Variants in PXDNL observed in about 807,000 individuals in gnomAD.
PXDNL encodes the protein probable oxidoreductase PXDNL.
PXDNL carries 145 observed loss-of-function variants against 150.8 expected under a neutral mutation model. The ratio of observed to expected loss-of-function variants is 0.96; its 90% confidence interval spans 0.84 to 1.10. The LOEUF (loss-of-function observed/expected upper bound fraction) is 1.10, where lower values mean the gene tolerates loss of function less well. Among genes scored for constraint, PXDNL ranks in the 50% least tolerant of loss-of-function variants. The probability of loss-of-function intolerance (pLI) is 0.00; values close to 1 mark genes in which losing one functional copy is unlikely to be tolerated. For missense variants in PXDNL, 2,087 were observed against 1,873.9 expected, an observed-to-expected ratio of 1.11 and a Z score of -2.10; for synonymous variants, 757 against 725.7, an observed-to-expected ratio of 1.04 and a Z score of -0.69.
intron 1 of PXDNL, among the ~76,000 whole-genome samples, chr8:51,758,913 A>C (rs916642537): frequency 1.7e-4 from 26 of 152,336 alleles, no homozygotes; most frequent in East Asian, 1.5e-3. Context: ...GCAACAAAGC[A>C]GTGACTCTCT....
At chr8:51,458,564 T>C (rs1006234516) in intron 8 of PXDNL, among the ~76,000 whole-genome samples, 18 of 152,226 alleles carry the variant, frequency 1.2e-4, no homozygotes, top group Non-Finnish European at 2.2e-4. Context: ...TCAATACATA[T>C]TTTCTAAACA....
intron 3 of PXDNL, among the ~76,000 whole-genome samples, chr8:51,580,247 C>T (rs1216958631): frequency 6.6e-6 from 1 of 151,946 alleles, no homozygotes; most frequent in Non-Finnish European, 1.5e-5. Context: ...GTATCAATGC[C>T]AGTATTCTGG....
At chr8:51,538,075 T>A (rs767959827) in intron 4 of PXDNL, among the ~76,000 whole-genome samples, 2 of 152,206 alleles carry the variant, frequency 1.3e-5, no homozygotes, top group Non-Finnish European at 1.5e-5. Context: ...AGAGAGGTAC[T>A]TACAAATAGA....
intron 19 of PXDNL, among the ~76,000 whole-genome samples, chr8:51,357,564 T>A (rs955283133): frequency 6.6e-6 from 1 of 152,220 alleles, no homozygotes. Flanking sequence ...TGCAACTTGC[T>A]CATATTGACA....
intron 1 of PXDNL, among the ~76,000 whole-genome samples, chr8:51,789,866 CTCAA>C (rs1247820537): frequency 6.6e-6 from 1 of 152,080 alleles, no homozygotes; most frequent in Non-Finnish European, 1.5e-5. Flanking sequence ...TATCTTTAGA[CTCAA>C]TCATTTTTAA....
chr8:51,798,411 G>A (rs1428491398), intron 1 of PXDNL, among the ~76,000 whole-genome samples: 4 of 152,044 alleles, frequency 2.6e-5, no homozygotes, highest in Non-Finnish European at 5.9e-5. Flanking sequence ...TACAGAATGG[G>A]AAAAAATTTT....
intron 4 of PXDNL, among the ~76,000 whole-genome samples, chr8:51,539,019 C>T (rs1337181733): frequency 6.6e-6 from 1 of 152,054 alleles, no homozygotes; most frequent in African/African-American, 2.4e-5. Context: ...GAGTTGAAAT[C>T]GTGTAAGCAG....
intron 8 of PXDNL, among the ~76,000 whole-genome samples, chr8:51,470,168 A>G (rs1810292168): frequency 1.3e-5 from 2 of 152,232 alleles, no homozygotes; most frequent in South Asian, 4.1e-4. Context: ...CTGTTTATCA[A>G]GTGCACTTGA....
At chr8:51,420,985 G>A (rs1317831696) in intron 14 of PXDNL, among the ~76,000 whole-genome samples, 1 of 152,138 alleles carries the variant, frequency 6.6e-6, no homozygotes, top group Admixed American at 6.6e-5. Context: ...ACTGCACCCA[G>A]CCTGAATGTT....
chr8:51,565,839 A>T (rs867853150), intron 3 of PXDNL, among the ~76,000 whole-genome samples: 1 of 151,090 alleles, frequency 6.6e-6, no homozygotes, highest in Non-Finnish European at 1.5e-5. Context: ...ACACCAAAAT[A>T]AAAAAAAATC....
At chr8:51,373,196 A>G (rs1243764909) in intron 18 of PXDNL, among the ~76,000 whole-genome samples, 1 of 152,184 alleles carries the variant, frequency 6.6e-6, no homozygotes, top group Non-Finnish European at 1.5e-5. Flanking sequence ...GTGTCCTTAT[A>G]AGAAAAGGAA....
chr8:51,745,861 G>T (rs529394621), intron 1 of PXDNL, among the ~76,000 whole-genome samples: 1 of 151,250 alleles, frequency 6.6e-6, no homozygotes, highest in Non-Finnish European at 1.5e-5. Context: ...CCTCTGCCTC[G>T]CAGGTTCAGG....
intron 2 of PXDNL, among the ~76,000 whole-genome samples, chr8:51,595,698 T>C (rs1450175640): frequency 2.0e-5 from 3 of 152,164 alleles, no homozygotes; most frequent in Non-Finnish European, 2.9e-5. Context: ...CTGGAGTGAT[T>C]TGCATAGTCA....
At chr8:51,407,422 ACTT>A (rs1294381344) in intron 17 of PXDNL, among the ~76,000 whole-genome samples, 3 of 152,192 alleles carry the variant, frequency 2.0e-5, no homozygotes, top group Admixed American at 6.5e-5. Context: ...TACAGACAAA[ACTT>A]CTTTGTGAAA....
At chr8:51,668,174 C>CTTTTTTTTTTTT (rs1447281482) in intron 1 of PXDNL, among the ~76,000 whole-genome samples, 4 of 21,736 alleles carry the variant, frequency 1.8e-4, no homozygotes, top group Non-Finnish European at 2.9e-4. Context: ...TTCTCGCTCT[C>CTTTTTTTTTTTT]TCTTTTTTTT....
At chr8:51,719,004 C>T (rs370034166) in intron 1 of PXDNL, among the ~76,000 whole-genome samples, 106 of 151,794 alleles carry the variant, frequency 7.0e-4, no homozygotes, top group Non-Finnish European at 1.3e-3. Context: ...GGGCAGCCCC[C>T]GATCGGCCAG....
intron 3 of PXDNL, among the ~76,000 whole-genome samples, chr8:51,585,944 T>C (rs2130640090): frequency 6.6e-6 from 1 of 152,204 alleles, no homozygotes; most frequent in East Asian, 1.9e-4. Context: ...TAACCCAGGA[T>C]GTGCTTGATT....
chr8:51,396,378 G>T (rs1010795233), intron 17 of PXDNL, among the ~76,000 whole-genome samples: 1 of 152,252 alleles, frequency 6.6e-6, no homozygotes, highest in Non-Finnish European at 1.5e-5. Flanking sequence ...CCCGACCAGA[G>T]TGCAGAGCGC....
intron 4 of PXDNL, among the ~76,000 whole-genome samples, chr8:51,529,072 T>C (rs1029144197): frequency 7.2e-5 from 11 of 152,246 alleles, no homozygotes; most frequent in Admixed American, 4.6e-4. Context: ...ATAAACATTA[T>C]GGACGATGTC....
Sources: allele counts gnomAD v4.1 joint callset (sites outside exome capture counted in the v4.1 genomes callset), GRCh38; gene constraint gnomAD v4.1.1; transcripts MANE v1.5; gene names NCBI Gene and HGNC (gene_info 2026-07-23, HGNC 2026-07-21).